UNC5B: variants seen among roughly 807,000 people sequenced by gnomAD.
The protein encoded by UNC5B is unc-5 netrin receptor B.
UNC5B carries 56 observed loss-of-function variants against 103.7 expected under a neutral mutation model. That is an observed-to-expected ratio of 0.54 (90% CI 0.44 to 0.67). UNC5B has a LOEUF of 0.67. Among genes scored for constraint, UNC5B ranks in the 30% least tolerant of loss-of-function variants. The pLI is 0.00. For missense variants in UNC5B, 1,194 were observed against 1,284.5 expected (o/e 0.93, Z 1.08); for synonymous variants, 577 against 542.0 (o/e 1.06, Z -0.90).
At chr10:71,259,513 A>G (rs1303715854) in intron 1 of UNC5B, among the ~76,000 whole-genome samples, 1 of 152,222 alleles carries the variant, frequency 6.6e-6, no homozygotes, top group East Asian at 1.9e-4. Flanking sequence ...TTCAAAGACT[A>G]AGAAACCGAG....
Position 71,292,451 on chromosome 10 carries a change from T to C in UNC5B, c.1685-16T>C, listed in dbSNP as rs775617302. On this transcript the variant is annotated splice_polypyrimidine_tract_variant and intron_variant, in intron 10 of 16. Transcript: ENST00000335350. Reference sequence around the variant, plus strand: ...CTAAGCTCCTGGACTCCCTGCTGACTTCCCTCTCCCCCTAGGGGTCAGCTT... The same window carrying C: ...CTAAGCTCCTGGACTCCCTGCTGACCTCCCTCTCCCCCTAGGGGTCAGCTT... The C allele has an allele frequency of 1.3e-6, 2 of 1,579,076 alleles. No individual in the cohort carries two copies. The highest frequency in any genetic ancestry group is 1.7e-6 in the Non-Finnish European group (2 of 1,161,016).
Position 71,231,538 on chromosome 10 carries a change from C to T in UNC5B, c.79+18474C>T, listed in dbSNP as rs373856294. Among the ~76,000 whole-genome samples the T allele has an allele frequency of 5.3e-5, 8 of 152,342 alleles. No individual in the cohort carries two copies. The East Asian group carries it at 7.7e-4, about 15-fold the overall frequency. On this transcript the variant is annotated intron_variant, in intron 1 of 16. Coordinates refer to ENST00000335350, the MANE Select transcript of UNC5B (RefSeq NM_170744.5). Reference sequence around the variant, plus strand: ...CAGCCTGGGAGCGCAGGGCTGTGTACGCTCAGCAATGTACCCTAAATGCTC... The same window carrying T: ...CAGCCTGGGAGCGCAGGGCTGTGTATGCTCAGCAATGTACCCTAAATGCTC...
At chr10:71,281,199 A>G (rs1353194349) in intron 2 of UNC5B, among the ~76,000 whole-genome samples, 2 of 152,130 alleles carry the variant, frequency 1.3e-5, no homozygotes, top group Non-Finnish European at 2.9e-5. Context: ...TCTAGAATGT[A>G]CTCGAGGTCA....
At chr10:71,241,962 G>A (rs2132259860) in intron 1 of UNC5B, among the ~76,000 whole-genome samples, 1 of 152,280 alleles carries the variant, frequency 6.6e-6, no homozygotes, top group Admixed American at 6.5e-5. Context: ...CACAGAAGGA[G>A]GTGAGACTTG....
chr10:71,217,085 G>C (rs895274230), intron 1 of UNC5B: 1 of 152,736 alleles, frequency 6.5e-6, no homozygotes, highest in African/African-American at 2.4e-5. Flanking sequence ...AGAGGGTAGG[G>C]AGGAGAAAGC....
In UNC5B at chr10:71,291,524, A is replaced by G. The variant is rs1845257198; in HGVS notation, c.1387A>G (p.Thr463Ala). 6.2e-7 allele frequency: 1 copy of G among 1,613,962 alleles called. No homozygotes were observed. Among genetic ancestry groups the G allele is most frequent in the Non-Finnish European group, 8.5e-7 (1 of 1,179,984 alleles). ...ACCCGTGTATGCCCTGCAGGACTCC[A>G]CCGACAAAATCCCCATGACCAACTC... ...RGPVYALQDS[T>A]DKIPMTNSPL... The change falls in exon 10 of 17, where the codon ACC becomes GCC. Residue 463 changes from threonine to alanine, a missense_variant. Physicochemically the swap from Thr to Ala is moderately conservative, Grantham distance 58. Coordinates refer to ENST00000335350, the MANE Select transcript of UNC5B (RefSeq NM_170744.5).
chr10:71,276,090 G>T (rs1844764287), intron 1 of UNC5B, among the ~76,000 whole-genome samples: 1 of 152,080 alleles, frequency 6.6e-6, no homozygotes, highest in African/African-American at 2.4e-5. Flanking sequence ...TTTATCCTAA[G>T]ATTTTAGGAT....
intron 1 of UNC5B, among the ~76,000 whole-genome samples, chr10:71,274,085 G>C (rs1844708226): frequency 6.6e-6 from 1 of 152,228 alleles, no homozygotes; most frequent in South Asian, 2.1e-4. Flanking sequence ...ATTCTAGGCT[G>C]GGTGCGGTGG....
Position 71,299,385 on chromosome 10 carries a change from G to A in UNC5B, c.*108G>A. The A allele has an allele frequency of 7.2e-7, 1 of 1,393,032 alleles. No individual in the cohort carries two copies. Among genetic ancestry groups the A allele is most frequent in the Non-Finnish European group, 9.8e-7 (1 of 1,020,006 alleles). 86.3% of individuals were successfully genotyped at this position (1,393,032 alleles called of 1,614,324 possible). A position where few individuals can be genotyped will look rare whatever the true frequency, so the allele number is the denominator to read the frequency against. ...GGCCTCTGCTTCCTCCCAGTTCACA[G>A]CCAGAGTTGCCTCTCCTCCTCCTCT... On this transcript the variant is annotated 3_prime_UTR_variant, in exon 17 of 17. Coordinates refer to ENST00000335350, the MANE Select transcript of UNC5B (RefSeq NM_170744.5).
At chr10:71,282,400 C>G (rs1430157379) in intron 2 of UNC5B, among the ~76,000 whole-genome samples, 1 of 152,208 alleles carries the variant, frequency 6.6e-6, no homozygotes, top group Non-Finnish European at 1.5e-5. Context: ...CCGAAGGTCC[C>G]TGTCCTATGC....
At chr10:71,289,079 G>A in intron 8 of UNC5B, 89 bp downstream of exon 8, 1 of 1,588,926 alleles carries the variant, frequency 6.3e-7, no homozygotes, top group South Asian at 1.1e-5. Flanking sequence ...GTGCAGGGCA[G>A]GGAGAGCTGA....
chr10:71,288,860 A>G, intron 7 of UNC5B, 98 bp from the exon 8 acceptor site: 9 of 1,550,792 alleles, frequency 5.8e-6, no homozygotes, highest in Non-Finnish European at 7.9e-6. Context: ...CTGTCCCCCC[A>G]CCACATCCAT....
At chr10:71,239,529 C>CACTAA (rs1843847729) in intron 1 of UNC5B, among the ~76,000 whole-genome samples, 1 of 152,124 alleles carries the variant, frequency 6.6e-6, no homozygotes, top group African/African-American at 2.4e-5. Flanking sequence ...ACTAATAGTT[C>CACTAA]CAGCCTCATG....
intron 1 of UNC5B, among the ~76,000 whole-genome samples, chr10:71,230,138 T>C (rs536590777): frequency 1.3e-5 from 2 of 152,244 alleles, no homozygotes; most frequent in South Asian, 4.1e-4. Flanking sequence ...AAAGAAGCAT[T>C]GTAGACCATT....
intron 1 of UNC5B, among the ~76,000 whole-genome samples, chr10:71,239,512 C>T (rs997496003): frequency 6.6e-6 from 1 of 152,150 alleles, no homozygotes; most frequent in African/African-American, 2.4e-5. Flanking sequence ...GGCCCTGTTT[C>T]CCCATCACTA....
At chr10:71,281,040 T>G (rs1176048159) in intron 2 of UNC5B, among the ~76,000 whole-genome samples, 1 of 152,186 alleles carries the variant, frequency 6.6e-6, no homozygotes, top group African/African-American at 2.4e-5. Context: ...CTGTTTTGCT[T>G]CTTTCTTTTT....
intron 1 of UNC5B, among the ~76,000 whole-genome samples, chr10:71,231,328 C>T (rs544265723): frequency 2.6e-5 from 4 of 152,300 alleles, no homozygotes; most frequent in East Asian, 1.9e-4. Flanking sequence ...CATCAGCAAA[C>T]GTGCCTCTGG....
chr10:71,226,852 A>G (rs1330343754), intron 1 of UNC5B, among the ~76,000 whole-genome samples: 1 of 152,246 alleles, frequency 6.6e-6, no homozygotes, highest in Non-Finnish European at 1.5e-5. Context: ...CTACACTAAA[A>G]GAAATAGGAA....
At position 71,288,567 on chromosome 10, in the gene UNC5B, G is replaced by A. The variant is rs1758168812; in HGVS notation, c.902-1G>A. 1.2e-6 allele frequency: 2 copies of A among 1,612,474 alleles called. No homozygotes were observed. The highest frequency in any genetic ancestry group is 1.7e-6 in the Non-Finnish European group (2 of 1,178,980). ...TGCTCCTGTATGCCATGCTCTTACA[G>A]TCGATGGGGCGTGGACGGAGTGGAG... On this transcript the variant is annotated splice_acceptor_variant, in intron 6 of 16. Transcript: ENST00000335350. LOFTEE classifies it high-confidence loss of function.
Sources: allele counts gnomAD v4.1 joint callset (sites outside exome capture counted in the v4.1 genomes callset), GRCh38; gene constraint gnomAD v4.1.1; transcripts MANE v1.5; gene names NCBI Gene and HGNC (gene_info 2026-07-23, HGNC 2026-07-21).